CRB1: variants seen among roughly 807,000 people sequenced by gnomAD.
CRB1 encodes the protein protein crumbs homolog 1.
Under a neutral mutation model 120.0 loss-of-function variants are expected in CRB1, and 83 were observed. That is an observed-to-expected ratio of 0.69 (90% CI 0.58 to 0.83). CRB1 has a LOEUF of 0.83. Among genes scored for constraint, CRB1 ranks in the 40% least tolerant of loss-of-function variants. The pLI, the probability that CRB1 is intolerant of heterozygous loss-of-function variation, is 0.00. For missense variants in CRB1, 1,699 were observed against 1,687.6 expected, an observed-to-expected ratio of 1.01 and a Z score of -0.12; for synonymous variants, 625 against 612.5, an observed-to-expected ratio of 1.02 and a Z score of -0.30.
In CRB1 at chr1:197,435,433, C is replaced by G; in HGVS notation, c.3570C>G (p.Asn1190Lys). Residue 1190 changes from asparagine (N) to lysine (K), a missense_variant, in exon 9 of 12, where the codon AAC becomes AAG. Coordinates refer to ENST00000367400, the MANE Select transcript of CRB1 (RefSeq NM_201253.3). ...TTTCAAACCCCTGTATCCATGGCAA[C>G]TGCTCTGACAGAGTTGCAGCCTACC... is the stretch of plus-strand genomic sequence containing the variant. ...ECFSNPCIHG[N>K]CSDRVAAYHC... 6.3e-7 allele frequency: 1 copy of G among 1,596,550 alleles called. No individual in the cohort carries two copies. The highest frequency in any genetic ancestry group is 1.1e-5 in the South Asian group (1 of 87,674).
chr1:197,469,494 G>A (rs1300080457), intron 11 of CRB1, among the ~76,000 whole-genome samples: 1 of 152,160 alleles, frequency 6.6e-6, no homozygotes, highest in East Asian at 1.9e-4. Context: ...ATGGGTCTGG[G>A]CATAGAGTAA....
In CRB1 at chr1:197,334,001, A is replaced by C. The variant is rs1659005949; in HGVS notation, c.652+4998A>C. On this transcript the variant is annotated intron_variant, in intron 2 of 11. Transcript: ENST00000367400. ...CATTAAAAGTTTAACTGGCATTGTC[A>C]ACTTAATAAGCTTACAATGTAGATC... 2.0e-5 allele frequency among the ~76,000 whole-genome samples: 3 copies of C among 152,252 alleles called. 1 individual carries two copies. Among genetic ancestry groups the C allele is most frequent in the Non-Finnish European group, 4.4e-5 (3 of 68,046 alleles).
At chr1:197,242,179 C>G in the CRB1 span, among the ~76,000 whole-genome samples, 1 of 152,058 alleles carries the variant, frequency 6.6e-6, no homozygotes, top group African/African-American at 2.4e-5. Context: ...CCCTTTATTT[C>G]TTTATCTTGC....
At chr1:197,355,293 G>A (rs1660402149) in intron 4 of CRB1, among the ~76,000 whole-genome samples, 1 of 152,224 alleles carries the variant, frequency 6.6e-6, no homozygotes, top group African/African-American at 2.4e-5. Flanking sequence ...CCCTTAGCTA[G>A]ACATAATCCG....
At chr1:197,324,311 T>A (rs556995370) in intron 1 of CRB1, among the ~76,000 whole-genome samples, 1 of 152,306 alleles carries the variant, frequency 6.6e-6, no homozygotes, top group South Asian at 2.1e-4. Flanking sequence ...AACTTATTCA[T>A]TTGTTAAATA....
At chr1:197,363,939 T>C (rs956985789) in intron 5 of CRB1, 4 of 1,320,192 alleles carry the variant, frequency 3.0e-6, no homozygotes, top group Non-Finnish European at 3.3e-6. Flanking sequence ...ACATTAAGCT[T>C]CGGCGGTATT....
chr1:197,322,499 C>T (rs941498385), intron 1 of CRB1, among the ~76,000 whole-genome samples: 3 of 151,198 alleles, frequency 2.0e-5, no homozygotes, highest in Non-Finnish European at 4.4e-5. Flanking sequence ...ATTTTTATAC[C>T]AATTACATAT....
chr1:197,439,326 A>C (rs1346549936), intron 10 of CRB1: 2 of 155,296 alleles, frequency 1.3e-5, no homozygotes, highest in African/African-American at 4.8e-5. Context: ...GGCTCTATAG[A>C]ATACAGATAC....
intron 4 of CRB1, among the ~76,000 whole-genome samples, chr1:197,351,358 A>G (rs1660088595): frequency 1.2e-5 from 1 of 84,190 alleles, no homozygotes; most frequent in African/African-American, 4.4e-5. Context: ...AGAGGGTGAG[A>G]CTTGGCAAAA....
intron 1 of CRB1, among the ~76,000 whole-genome samples, chr1:197,321,811 T>C (rs1170799968): frequency 6.6e-6 from 1 of 152,156 alleles, no homozygotes; most frequent in East Asian, 1.9e-4. Context: ...TGTAAAAATA[T>C]GAGGAGGATT....
the CRB1 span, among the ~76,000 whole-genome samples, chr1:197,214,249 T>C: frequency 2.6e-5 from 4 of 152,128 alleles, no homozygotes; most frequent in African/African-American, 7.2e-5. Context: ...TGCAAGAGAC[T>C]ACAGTTGACC....
At chr1:197,338,854 A>G (rs909280067) in intron 2 of CRB1, among the ~76,000 whole-genome samples, 2 of 145,878 alleles carry the variant, frequency 1.4e-5, no homozygotes, top group East Asian at 3.9e-4. Context: ...TCAGTCTTAC[A>G]TACATTTCAG....
At chr1:197,292,791 C>T (rs1656269433) in intron 1 of CRB1, among the ~76,000 whole-genome samples, 1 of 152,020 alleles carries the variant, frequency 6.6e-6, no homozygotes, top group Non-Finnish European at 1.5e-5. Flanking sequence ...AGCATATAAA[C>T]AGAACCAAAG....
chr1:197,230,282 A>G, the CRB1 span, among the ~76,000 whole-genome samples: 1 of 152,208 alleles, frequency 6.6e-6, no homozygotes, highest in African/African-American at 2.4e-5. Context: ...GGAGAAATAT[A>G]AAATCTATAC....
At chr1:197,464,198 C>T (rs865968549) in intron 11 of CRB1, among the ~76,000 whole-genome samples, 1 of 152,086 alleles carries the variant, frequency 6.6e-6, no homozygotes, top group Non-Finnish European at 1.5e-5. Flanking sequence ...CACCCAACGC[C>T]GTCAGTGGAA....
intron 2 of CRB1, among the ~76,000 whole-genome samples, chr1:197,342,844 A>C (rs759385455): frequency 1.3e-5 from 2 of 152,182 alleles, no homozygotes; most frequent in Non-Finnish European, 2.9e-5. Context: ...GTAGTGATAG[A>C]GCAGAGCTCA....
Position 197,268,490 on chromosome 1 carries a change from T to C in CRB1, c.70+8T>C, listed in dbSNP as rs763662967. 2 of 1,601,044 alleles carry C rather than the reference T, an allele frequency of 1.2e-6. No individual in the cohort carries two copies. Among genetic ancestry groups the C allele is most frequent in the African/African-American group, 2.7e-5 (2 of 74,610 alleles). ...TGCTTATCTACATAAAAAGTAAGCC[T>C]TTCCCACTTTGGGCATTTTTCCTGG... On this transcript the variant is annotated splice_region_variant and intron_variant, in intron 1 of 11. Coordinates refer to ENST00000367400, the MANE Select transcript of CRB1 (RefSeq NM_201253.3).
At chr1:197,464,178 C>CT (rs1260068674) in intron 11 of CRB1, among the ~76,000 whole-genome samples, 1 of 152,152 alleles carries the variant, frequency 6.6e-6, no homozygotes, top group African/African-American at 2.4e-5. Flanking sequence ...CAGCAGATGG[C>CT]TTCCTTTTAC....
At chr1:197,216,689 G>T in the CRB1 span, among the ~76,000 whole-genome samples, 2 of 152,140 alleles carry the variant, frequency 1.3e-5, no homozygotes, top group Non-Finnish European at 2.9e-5. Flanking sequence ...TAGTACTCAG[G>T]TATCACAGTA....
Sources: allele counts gnomAD v4.1 joint callset (sites outside exome capture counted in the v4.1 genomes callset), GRCh38; gene constraint gnomAD v4.1.1; transcripts MANE v1.5; gene names NCBI Gene and HGNC (gene_info 2026-07-23, HGNC 2026-07-21).